The following SGCG variants were observed in gnomAD, a reference collection of about 807,000 sequenced individuals.
SGCG encodes the protein sarcoglycan gamma.
SGCG carries 26 observed loss-of-function variants against 29.3 expected under a neutral mutation model. The observed-to-expected ratio is 0.89, with a 90% CI of 0.65 to 1.23. The LOEUF is 1.23. Ranked by LOEUF, SGCG falls within the 50% of genes most tolerant of loss-of-function variation. The probability of loss-of-function intolerance (pLI) is 0.00; values close to 1 mark genes in which losing one functional copy is unlikely to be tolerated. For synonymous variants in SGCG, 145 were observed against 129.7 expected (o/e 1.12, Z -0.80); for missense variants, 353 against 356.0 (o/e 0.99, Z 0.07).
chr13:23,191,204 C>T (rs1447867371), intron 1 of SGCG, among the ~76,000 whole-genome samples: 1 of 152,046 alleles, frequency 6.6e-6, no homozygotes, highest in Admixed American at 6.5e-5. Context: ...ATTTTATGAG[C>T]CAAAATAATA....
chr13:23,247,034 C>A, intron 3 of SGCG: 1 of 159,050 alleles, frequency 6.3e-6, no homozygotes, highest in East Asian at 1.7e-4. Flanking sequence ...CCTTCTTCCT[C>A]CCTCACTAGG....
intron 2 of SGCG, among the ~76,000 whole-genome samples, chr13:23,223,112 A>G (rs1405958899): frequency 1.3e-5 from 2 of 151,974 alleles, no homozygotes; most frequent in Non-Finnish European, 2.9e-5. Flanking sequence ...CCCTGTCTCT[A>G]TTAAAAATAC....
intron 6 of SGCG, 25 bp from the exon 7 acceptor site, chr13:23,320,612 T>TTG: frequency 1.4e-6 from 2 of 1,415,762 alleles, no homozygotes; most frequent in Admixed American, 2.2e-5. Flanking sequence ...TTTTTTTTTT[T>TTG]TTGTGCTTCT....
chr13:23,299,454 A>T (rs867630953), intron 6 of SGCG, among the ~76,000 whole-genome samples: 34,725 of 42,662 alleles, frequency 0.81, 13,566 homozygotes, highest in East Asian at 0.95. Flanking sequence ...ATATATATAT[A>T]TATTTTTTTT....
At chr13:23,236,613 G>C (rs960799715) in intron 3 of SGCG, among the ~76,000 whole-genome samples, 3 of 152,198 alleles carry the variant, frequency 2.0e-5, no homozygotes, top group East Asian at 3.9e-4. Flanking sequence ...GGAAGGTGGA[G>C]CTTGCAGTGA....
chr13:23,193,353 G>A (rs1291046242), intron 1 of SGCG, among the ~76,000 whole-genome samples: 1 of 152,178 alleles, frequency 6.6e-6, no homozygotes, highest in African/African-American at 2.4e-5. Context: ...CTCTTGTTGG[G>A]TGCCATGTGG....
At chr13:23,187,238 A>C (rs983383370) in intron 1 of SGCG, among the ~76,000 whole-genome samples, 2 of 152,106 alleles carry the variant, frequency 1.3e-5, no homozygotes, top group African/African-American at 4.8e-5. Context: ...TGCCCCTTCT[A>C]CAGTGGACGG....
At chr13:23,299,427 TATATATATATATA>T (rs1566037347) in intron 6 of SGCG, among the ~76,000 whole-genome samples, 2 of 13,536 alleles carry the variant, frequency 1.5e-4, no homozygotes, top group African/African-American at 2.1e-4. Flanking sequence ...TATATATATA[TATATATATATATA>T]TATATATATA....
At chr13:23,255,143 A>G (rs1201102609) in intron 4 of SGCG, among the ~76,000 whole-genome samples, 1 of 152,158 alleles carries the variant, frequency 6.6e-6, no homozygotes, top group Admixed American at 6.5e-5. Flanking sequence ...TCGTCGAGCT[A>G]CCAGAAACTT....
intron 3 of SGCG, chr13:23,246,193 G>A (rs1879703604): frequency 6.6e-6 from 1 of 152,456 alleles, no homozygotes; most frequent in Non-Finnish European, 1.5e-5. Flanking sequence ...CATGTCCAGA[G>A]ACCTGAAGAT....
At chr13:23,213,945 A>G (rs1878330545) in intron 2 of SGCG, among the ~76,000 whole-genome samples, 1 of 152,230 alleles carries the variant, frequency 6.6e-6, no homozygotes, top group African/African-American at 2.4e-5. Context: ...CAGCTGCAGG[A>G]AGGCCTCTAA....
At chr13:23,277,573 A>G (rs978867624) in intron 4 of SGCG, among the ~76,000 whole-genome samples, 20 of 152,310 alleles carry the variant, frequency 1.3e-4, no homozygotes, top group African/African-American at 4.6e-4. Context: ...AAACGGATCA[A>G]TGCATTAATA....
At chr13:23,272,523 T>C (rs929582195) in intron 4 of SGCG, among the ~76,000 whole-genome samples, 2 of 152,248 alleles carry the variant, frequency 1.3e-5, no homozygotes, top group Admixed American at 6.5e-5. Flanking sequence ...ATTTTCTTAA[T>C]GTGGTGTTGC....
At chr13:23,294,861 G>A (rs1413315636) in intron 5 of SGCG, among the ~76,000 whole-genome samples, 1 of 152,090 alleles carries the variant, frequency 6.6e-6, no homozygotes, top group African/African-American at 2.4e-5. Context: ...ACTTTCACCT[G>A]TGTTTTTCTG....
chr13:23,288,261 AC>A (rs1212528871), intron 5 of SGCG, among the ~76,000 whole-genome samples: 7 of 152,166 alleles, frequency 4.6e-5, no homozygotes, highest in Admixed American at 3.9e-4. Flanking sequence ...CACTCTGAGG[AC>A]TGGAAAGAAA....
chr13:23,275,987 G>C (rs898599844), intron 4 of SGCG, among the ~76,000 whole-genome samples: 2 of 152,158 alleles, frequency 1.3e-5, no homozygotes, highest in East Asian at 3.8e-4. Context: ...AAACCCTTAA[G>C]CTAATTTCCC....
intron 4 of SGCG, among the ~76,000 whole-genome samples, chr13:23,265,493 G>C (rs139673672): frequency 6.6e-6 from 1 of 152,050 alleles, no homozygotes; most frequent in South Asian, 2.1e-4. Context: ...AGGAGAATTC[G>C]CTTGAACCTG....
chr13:23,301,892 AAAAAAAAAAAG>A (rs201167826), intron 6 of SGCG, among the ~76,000 whole-genome samples: 109,334 of 150,834 alleles, frequency 0.72, 41,345 homozygotes, highest in East Asian at 0.89. Flanking sequence ...ACTCCATCTC[AAAAAAAAAAAG>A]AAAAGAAAAA....
intron 1 of SGCG, among the ~76,000 whole-genome samples, chr13:23,193,675 G>T (rs648991): frequency 0.16 from 24,650 of 152,108 alleles, 2,077 homozygotes; most frequent in East Asian, 0.26. Flanking sequence ...TTTAACAAGT[G>T]CAGTTCGAAA....
Sources: gnomAD v4.1 joint callset for allele counts (sites outside exome capture counted in the v4.1 genomes callset) on GRCh38, gnomAD v4.1.1 for gene constraint, MANE v1.5 for transcripts, NCBI Gene and HGNC (gene_info 2026-07-23, HGNC 2026-07-21) for gene names.